Variants in SULF1 observed in about 807,000 individuals in gnomAD.
SULF1 encodes sulfatase 1.
A neutral mutation model predicts 110.5 loss-of-function variants in SULF1; 46 were observed. That is an observed-to-expected ratio of 0.42 (90% confidence interval 0.33 to 0.53). The LOEUF is 0.53. SULF1 is among the 20% of genes least tolerant of loss of function. SULF1 has a pLI of 0.12. For synonymous variants in SULF1, 371 were observed against 387.1 expected (o/e 0.96, Z 0.49); for missense variants, 941 against 1,094.2 (o/e 0.86, Z 1.98).
chr8:69,650,502 G>A (rs921964979), intron 22 of SULF1, among the ~76,000 whole-genome samples: 3 of 152,022 alleles, frequency 2.0e-5, no homozygotes, highest in Non-Finnish European at 4.4e-5. Flanking sequence ...ACATTAGCTG[G>A]GCTTAGTCCC....
chr8:69,545,885 G>A (rs536788050), intron 3 of SULF1, among the ~76,000 whole-genome samples: 1 of 152,280 alleles, frequency 6.6e-6, no homozygotes, highest in East Asian at 1.9e-4. Flanking sequence ...AGTAGAGACA[G>A]GGTTTCATCA....
Position 69,495,916 on chromosome 8 carries a change from G to A in SULF1, c.-239G>A, listed in dbSNP as rs1377671367. On this transcript the variant is annotated 5_prime_UTR_variant, in exon 2 of 23. Transcript: ENST00000402687. ...CCATACTCTTGAAGAGAGCATAATT[G>A]GAATGGAGAGGTGGGTAACATTCGC... 1 of 152,162 alleles carries A rather than the reference G, an allele frequency of 6.6e-6. No individual in the cohort carries two copies. Among genetic ancestry groups the A allele is most frequent in the African/African-American group, 2.4e-5 (1 of 41,434 alleles). 9.4% of individuals were successfully genotyped at this position (152,162 alleles called of 1,614,324 possible). A position where few individuals can be genotyped will look rare whatever the true frequency, so the allele number is the denominator to read the frequency against.
intron 22 of SULF1, among the ~76,000 whole-genome samples, chr8:69,650,228 A>G (rs4457341): frequency 0.051 from 7,718 of 151,738 alleles, 686 homozygotes; most frequent in African/African-American, 0.18. Flanking sequence ...TCAAACTCCT[A>G]GGCTCAAGCG....
intron 1 of SULF1, among the ~76,000 whole-genome samples, chr8:69,473,659 A>G (rs1392468330): frequency 1.3e-5 from 2 of 152,234 alleles, no homozygotes; most frequent in African/African-American, 4.8e-5. Context: ...ACATTATACC[A>G]TAACAATTGA....
In SULF1 at chr8:69,659,393, A is replaced by C; in HGVS notation, c.*858A>C. 1 of 355,182 alleles carries C rather than the reference A, an allele frequency of 2.8e-6. No homozygotes were observed. Among genetic ancestry groups the C allele is most frequent in the Non-Finnish European group, 5.5e-6 (1 of 180,904 alleles). The allele number at this position is 355,182 out of a possible 1,614,324, so 22.0% of individuals were successfully genotyped here. On this transcript the variant is annotated 3_prime_UTR_variant, in exon 23 of 23. Transcript: ENST00000402687. ...TTTTATTTGTAAACTAATAAAGGTA[A>C]TCACAGCCACCAACATTCCAAGCTA...
intron 7 of SULF1, among the ~76,000 whole-genome samples, chr8:69,587,602 A>T (rs2150768516): frequency 6.6e-6 from 1 of 152,356 alleles, no homozygotes; most frequent in South Asian, 2.1e-4. Flanking sequence ...AGAAAAAAGC[A>T]TTCTAGAGTG....
chr8:69,488,896 G>C (rs570798966), upstream of SULF1, among the ~76,000 whole-genome samples: 2 of 152,202 alleles, frequency 1.3e-5, no homozygotes, highest in East Asian at 3.9e-4. Flanking sequence ...GTGCCCTGAG[G>C]CTCCCCGGGG....
chr8:69,472,269 G>C (rs760432092), intron 1 of SULF1, among the ~76,000 whole-genome samples: 11 of 152,142 alleles, frequency 7.2e-5, no homozygotes, highest in Non-Finnish European at 1.5e-4. Flanking sequence ...TTTCCTCCTG[G>C]CTCACCATCT....
At chr8:69,522,963 T>A (rs1341533582) in intron 3 of SULF1, among the ~76,000 whole-genome samples, 1 of 152,130 alleles carries the variant, frequency 6.6e-6, no homozygotes, top group Non-Finnish European at 1.5e-5. Context: ...TTGCTGCAAA[T>A]GGAGCAGAGA....
chr8:69,525,291 T>C (rs1252475736), intron 3 of SULF1, among the ~76,000 whole-genome samples: 1 of 152,134 alleles, frequency 6.6e-6, no homozygotes, highest in Non-Finnish European at 1.5e-5. Flanking sequence ...TCAATGGTAC[T>C]AAGTCTCCTA....
At chr8:69,635,970 T>C (rs1810961857) in intron 19 of SULF1, among the ~76,000 whole-genome samples, 1 of 152,164 alleles carries the variant, frequency 6.6e-6, no homozygotes, top group Admixed American at 6.5e-5. Context: ...GCCTCAGGTT[T>C]TTCCATCTGT....
At chr8:69,647,868 G>A (rs1812046597) in intron 22 of SULF1, among the ~76,000 whole-genome samples, 2 of 151,736 alleles carry the variant, frequency 1.3e-5, no homozygotes, top group Non-Finnish European at 2.9e-5. Context: ...CTCCAGCCTG[G>A]GCAACAAGAG....
chr8:69,658,431 A>G, intron 22 of SULF1, 74 bp from the exon 23 acceptor site: 4 of 1,074,812 alleles, frequency 3.7e-6, no homozygotes, highest in Non-Finnish European at 5.5e-6. Flanking sequence ...TGTAAAAACA[A>G]TGTAAGTTGC....
intron 3 of SULF1, among the ~76,000 whole-genome samples, chr8:69,539,544 C>A (rs541801263): frequency 1.4e-4 from 22 of 152,236 alleles, no homozygotes; most frequent in African/African-American, 5.3e-4. Flanking sequence ...TGAAGAAATA[C>A]CCATAGAAGA....
At chr8:69,477,789 G>A (rs1809361488) in intron 1 of SULF1, among the ~76,000 whole-genome samples, 1 of 152,052 alleles carries the variant, frequency 6.6e-6, no homozygotes, top group African/African-American at 2.4e-5. Context: ...TCACCTAGAT[G>A]GCATTATTCT....
At chr8:69,634,196 T>C (rs1439207948) in intron 19 of SULF1, among the ~76,000 whole-genome samples, 3 of 152,224 alleles carry the variant, frequency 2.0e-5, no homozygotes, top group Non-Finnish European at 4.4e-5. Context: ...AGCTACCCCT[T>C]CATATCGTTT....
At chr8:69,583,749 GC>G (rs1194685950) in intron 6 of SULF1, among the ~76,000 whole-genome samples, 2 of 152,142 alleles carry the variant, frequency 1.3e-5, no homozygotes, top group African/African-American at 4.8e-5. Context: ...GGCAATGTTT[GC>G]CCTCAAAAAG....
At chr8:69,605,385 T>C (rs141734596) in intron 13 of SULF1, among the ~76,000 whole-genome samples, 175 of 152,304 alleles carry the variant, frequency 1.1e-3, no homozygotes, top group African/African-American at 3.7e-3. Context: ...ACAGAGCCTG[T>C]GACCAAGCTT....
chr8:69,659,524 G>T lies in SULF1; in HGVS notation c.*989G>T, dbSNP rs182489932. ...CTATCTGCCAAGAGTAGAAAGAAAG[G>T]CTGGGGATATTTGGGTTGGCTTGGT... On this transcript the variant is annotated 3_prime_UTR_variant, in exon 23 of 23. Transcript: ENST00000402687. The T allele has an allele frequency of 4.1e-6, 1 of 246,126 alleles. No individual in the cohort carries two copies. Among genetic ancestry groups the T allele is most frequent in the Admixed American group, 5.2e-5 (1 of 19,256 alleles). The allele number at this position is 246,126 out of a possible 1,614,324, so 15.2% of individuals were successfully genotyped here. A position where few individuals can be genotyped will look rare whatever the true frequency, so the allele number is the denominator to read the frequency against.
Sources: gnomAD v4.1 joint callset for allele counts (sites outside exome capture counted in the v4.1 genomes callset) on GRCh38, gnomAD v4.1.1 for gene constraint, MANE v1.5 for transcripts, NCBI Gene and HGNC (gene_info 2026-07-23, HGNC 2026-07-21) for gene names.